Variants in TBC1D4 observed in about 807,000 individuals in gnomAD.
The protein encoded by TBC1D4 is TBC (Tre-2, BUB2, CDC16) domain-containing protein.
Under a neutral mutation model 142.5 loss-of-function variants are expected in TBC1D4, and 121 were observed. The ratio of observed to expected loss-of-function variants is 0.85; its 90% CI spans 0.73 to 0.99. TBC1D4 has a LOEUF of 0.99. Ranked by LOEUF, TBC1D4 falls within the 50% of genes least tolerant of loss-of-function variation. TBC1D4 has a pLI of 0.00. For synonymous variants in TBC1D4, 630 were observed against 628.2 expected (o/e 1.00, Z -0.04); for missense variants, 1,475 against 1,606.6 (o/e 0.92, Z 1.40).
rs549303145 is a variant in TBC1D4, at chr13:75,361,888, T to C, written c.1080+138A>G. 423 of 1,041,404 alleles carry C rather than the reference T, an allele frequency of 4.1e-4. 3 individuals carry two copies. In the East Asian group the frequency reaches 0.011, roughly 26 times the overall value. 64.5% of individuals were successfully genotyped at this position (1,041,404 alleles called of 1,614,324 possible). A position where few individuals can be genotyped will look rare whatever the true frequency, so the allele number is the denominator to read the frequency against. ...CCTCTGCACTCTTCCTCCACCTGCC[T>C]TATCTGCTTTGAAGGGGAAAACAAA... On this transcript the variant is annotated intron_variant, in intron 2 of 20. Coordinates refer to ENST00000377636, the MANE Select transcript of TBC1D4 (RefSeq NM_014832.5).
At chr13:75,295,245 G>A (rs997960367) in intron 17 of TBC1D4, among the ~76,000 whole-genome samples, 5 of 152,124 alleles carry the variant, frequency 3.3e-5, no homozygotes, top group Non-Finnish European at 5.9e-5. Context: ...TCTCTATCAC[G>A]TGTGTTTGAG....
rs116592323 is a variant in TBC1D4 at position 75,403,318 on chromosome 13, G to A, written c.499-40711C>T. Among the ~76,000 whole-genome samples, 459 of 152,248 alleles carry A rather than the reference G, an allele frequency of 3.0e-3. 1 individual carries two copies. Among genetic ancestry groups the A allele is most frequent in the African/African-American group, 0.011 (441 of 41,540 alleles). ...ATTATTAGTTCTAGTTTCGCAGCTAGCAACAAAATCACTTGCTAACAACTA... is the reference window on the plus strand; with the variant it reads ...ATTATTAGTTCTAGTTTCGCAGCTAACAACAAAATCACTTGCTAACAACTA... On this transcript the variant is annotated intron_variant, in intron 1 of 20. Coordinates refer to ENST00000377636, the MANE Select transcript of TBC1D4 (RefSeq NM_014832.5).
At chr13:75,442,007 A>C (rs1367888127) in intron 1 of TBC1D4, among the ~76,000 whole-genome samples, 1 of 152,248 alleles carries the variant, frequency 6.6e-6, no homozygotes, top group Non-Finnish European at 1.5e-5. Context: ...GCACTTAATT[A>C]AAATGAGTAG....
At chr13:75,351,409 CTTTT>C (rs1215612097) in intron 4 of TBC1D4, among the ~76,000 whole-genome samples, 2 of 150,650 alleles carry the variant, frequency 1.3e-5, no homozygotes, top group African/African-American at 2.4e-5. Context: ...TTGTAAAAAT[CTTTT>C]TTTTTAATTT....
At chr13:75,358,905 T>C (rs1467017997) in intron 3 of TBC1D4, among the ~76,000 whole-genome samples, 2 of 152,104 alleles carry the variant, frequency 1.3e-5, no homozygotes, top group Non-Finnish European at 1.5e-5. Context: ...AAAAACTGTC[T>C]TGTTAACTTC....
intron 1 of TBC1D4, among the ~76,000 whole-genome samples, chr13:75,449,277 T>C (rs1887428672): frequency 6.6e-6 from 1 of 151,996 alleles, no homozygotes; most frequent in South Asian, 2.1e-4. Flanking sequence ...CACACACATA[T>C]ATATATTGAA....
intron 1 of TBC1D4, among the ~76,000 whole-genome samples, chr13:75,395,404 T>C (rs1235468013): frequency 1.3e-5 from 2 of 152,178 alleles, no homozygotes; most frequent in Non-Finnish European, 2.9e-5. Context: ...CAATATGAGA[T>C]CCATTCCTCC....
At chr13:75,377,334 C>G (rs1883570336) in intron 1 of TBC1D4, 1 of 152,156 alleles carries the variant, frequency 6.6e-6, no homozygotes, top group Non-Finnish European at 1.5e-5. Context: ...TCTCCAAAAC[C>G]ATAGAACGAA....
intron 1 of TBC1D4, among the ~76,000 whole-genome samples, chr13:75,402,805 T>C (rs1419143059): frequency 2.6e-5 from 4 of 151,982 alleles, no homozygotes; most frequent in Non-Finnish European, 2.9e-5. Flanking sequence ...AAGGTAAAAG[T>C]AAGAGAGATA....
intron 3 of TBC1D4, among the ~76,000 whole-genome samples, chr13:75,356,843 C>T (rs1313539674): frequency 6.6e-6 from 1 of 152,034 alleles, no homozygotes; most frequent in Non-Finnish European, 1.5e-5. Flanking sequence ...GCTAAATAAC[C>T]TCCCTATATC....
At chr13:75,396,345 C>T (rs1884794866) in intron 1 of TBC1D4, among the ~76,000 whole-genome samples, 1 of 152,216 alleles carries the variant, frequency 6.6e-6, no homozygotes. Context: ...AAAAGCACCA[C>T]TAGCCAAAGG....
rs1433309046 is a variant in TBC1D4 at position 75,385,161 on chromosome 13, G to A, written c.499-22554C>T. ...CTTCCCAAAGGCACCCTAACCCAGAGCCTGTGGCAGCAATGCACACCTCTA... is the reference window on the plus strand; with the variant it reads ...CTTCCCAAAGGCACCCTAACCCAGAACCTGTGGCAGCAATGCACACCTCTA... On this transcript the variant is annotated intron_variant, in intron 1 of 20. Transcript: ENST00000377636. Among the ~76,000 whole-genome samples the A allele has an allele frequency of 5.3e-5, 8 of 152,086 alleles. No homozygotes were observed. The East Asian group carries it at 1.5e-3, about 29-fold the overall frequency.
intron 19 of TBC1D4, 107 bp from the exon 20 acceptor site, chr13:75,289,217 A>T: frequency 7.3e-7 from 1 of 1,378,862 alleles, no homozygotes; most frequent in South Asian, 1.2e-5. Context: ...TTATTAATGA[A>T]GAACATTAAA....
intron 1 of TBC1D4, among the ~76,000 whole-genome samples, chr13:75,388,312 T>C (rs1295275429): frequency 6.6e-6 from 1 of 152,182 alleles, no homozygotes; most frequent in Non-Finnish European, 1.5e-5. Flanking sequence ...CAAGCACATA[T>C]TTAAGGGGCC....
chr13:75,302,790 G>A (rs560266535), intron 15 of TBC1D4: 5 of 256,814 alleles, frequency 1.9e-5, no homozygotes, highest in South Asian at 5.0e-5. Flanking sequence ...AAGAGATGAA[G>A]TAATTGCCCC....
At chr13:75,337,591 T>C (rs955962779) in intron 7 of TBC1D4, among the ~76,000 whole-genome samples, 1 of 152,214 alleles carries the variant, frequency 6.6e-6, no homozygotes, top group African/African-American at 2.4e-5. Flanking sequence ...CTCTATGTAT[T>C]TTATCCATTG....
At chr13:75,439,935 T>C (rs1391907490) in intron 1 of TBC1D4, among the ~76,000 whole-genome samples, 2 of 152,146 alleles carry the variant, frequency 1.3e-5, no homozygotes, top group African/African-American at 4.8e-5. Context: ...TCTAATATAA[T>C]AAATGTTTCA....
At chr13:75,333,845 T>C (rs1879968046) in intron 8 of TBC1D4, among the ~76,000 whole-genome samples, 1 of 152,236 alleles carries the variant, frequency 6.6e-6, no homozygotes, top group African/African-American at 2.4e-5. Flanking sequence ...CTTGACTTTC[T>C]TGAAGATAAC....
chr13:75,284,460 C>G lies in TBC1D4; in HGVS notation c.*2332G>C, dbSNP rs1417510130. 6.6e-6 allele frequency among the ~76,000 whole-genome samples: 1 copy of G among 152,170 alleles called. No individual in the cohort carries two copies. Among genetic ancestry groups the G allele is most frequent in the African/African-American group, 2.4e-5 (1 of 41,436 alleles). On this transcript the variant is annotated 3_prime_UTR_variant, in exon 21 of 21. Transcript: ENST00000377636. ...ACAAAACATAGATCTCCTGCATGCA[C>G]AGTTCACAATAGGGTTTGCGCTCCT...
Sources: gnomAD v4.1 joint callset for allele counts (sites outside exome capture counted in the v4.1 genomes callset) on GRCh38, gnomAD v4.1.1 for gene constraint, MANE v1.5 for transcripts, NCBI Gene and HGNC (gene_info 2026-07-23, HGNC 2026-07-21) for gene names.